The following SAMD3 variants were observed in gnomAD, a reference collection of about 807,000 sequenced individuals.
The protein encoded by SAMD3 is sterile alpha motif domain-containing protein 3.
Under a neutral mutation model 58.5 loss-of-function variants are expected in SAMD3, and 63 were observed. That is an observed-to-expected ratio of 1.08 (90% CI 0.88 to 1.33). SAMD3 has a LOEUF of 1.33. Ranked by LOEUF, SAMD3 falls within the 40% of genes most tolerant of loss-of-function variation. The pLI, the probability that SAMD3 is intolerant of heterozygous loss-of-function variation, is 0.00. For missense variants in SAMD3, 604 were observed against 608.4 expected, an observed-to-expected ratio of 0.99 and a Z score of 0.08; for synonymous variants, 220 against 210.3, an observed-to-expected ratio of 1.05 and a Z score of -0.40.
chr6:130,254,219 G>A (rs1265688135), intron 2 of SAMD3, among the ~76,000 whole-genome samples: 3 of 151,680 alleles, frequency 2.0e-5, no homozygotes, highest in Non-Finnish European at 4.4e-5. Flanking sequence ...CTGAGACAGA[G>A]TTTTGCTCTT....
chr6:130,361,347 G>C (rs920135028), intron 1 of SAMD3, among the ~76,000 whole-genome samples: 1 of 152,144 alleles, frequency 6.6e-6, no homozygotes. Context: ...CCCTCCGTTT[G>C]GGGGTCCCTG....
chr6:130,165,848 G>A (rs2114631572), intron 8 of SAMD3, among the ~76,000 whole-genome samples: 1 of 152,226 alleles, frequency 6.6e-6, no homozygotes, highest in South Asian at 2.1e-4. Flanking sequence ...TTTGACAGAG[G>A]CCAAGAGGAC....
chr6:130,184,624 C>A lies in SAMD3; in HGVS notation c.384-1G>T. ...TGCTAGAATTTGTTTCACATTTCTT[C>A]TGTGAAATAAAAACACACAAAGAAT... is the stretch of plus-strand genomic sequence containing the variant. On this transcript the variant is annotated splice_acceptor_variant, in intron 5 of 11. Transcript: ENST00000439090. LOFTEE classifies it high-confidence loss of function. 1 of 1,599,818 alleles carries A rather than the reference C, an allele frequency of 6.3e-7. No homozygotes were observed. Among genetic ancestry groups the A allele is most frequent in the Non-Finnish European group, 8.5e-7 (1 of 1,170,786 alleles).
chr6:130,221,163 A>G (rs934896658), intron 1 of SAMD3, among the ~76,000 whole-genome samples: 3 of 152,196 alleles, frequency 2.0e-5, no homozygotes, highest in African/African-American at 7.2e-5. Context: ...CAGTGAAAAG[A>G]TCTTTAAAAT....
intron 2 of SAMD3, among the ~76,000 whole-genome samples, chr6:130,282,246 G>T (rs1278285889): frequency 6.6e-6 from 1 of 152,146 alleles, no homozygotes; most frequent in African/African-American, 2.4e-5. Context: ...TCCATAACTA[G>T]GGAAATGGCC....
At chr6:130,261,659 A>T (rs1383001101) in intron 2 of SAMD3, among the ~76,000 whole-genome samples, 2 of 152,138 alleles carry the variant, frequency 1.3e-5, no homozygotes, top group Non-Finnish European at 2.9e-5. Context: ...TCACCCTACT[A>T]GGAACTATGT....
At chr6:130,190,704 T>C (rs1793462324) in intron 5 of SAMD3, among the ~76,000 whole-genome samples, 1 of 152,136 alleles carries the variant, frequency 6.6e-6, no homozygotes. Context: ...TCATTTTTTC[T>C]AATTGCAGCT....
intron 2 of SAMD3, among the ~76,000 whole-genome samples, chr6:130,304,582 C>CT (rs1329955348): frequency 6.6e-6 from 1 of 152,124 alleles, no homozygotes; most frequent in Admixed American, 6.5e-5. Flanking sequence ...AGCTTTATGA[C>CT]TTTTTACTGA....
chr6:130,229,792 C>T (rs975663760), intron 2 of SAMD3, among the ~76,000 whole-genome samples: 2 of 152,070 alleles, frequency 1.3e-5, no homozygotes, highest in Non-Finnish European at 2.9e-5. Flanking sequence ...ACAAAGGAAG[C>T]CATCAATTCA....
At chr6:130,363,184 C>T (rs1019790096) in intron 1 of SAMD3, among the ~76,000 whole-genome samples, 1 of 152,094 alleles carries the variant, frequency 6.6e-6, no homozygotes, top group African/African-American at 2.4e-5. Flanking sequence ...TATTTTTTCC[C>T]ATTGAAGACA....
chr6:130,191,787 G>A (rs553799929), intron 5 of SAMD3, among the ~76,000 whole-genome samples: 2 of 152,074 alleles, frequency 1.3e-5, no homozygotes, highest in East Asian at 3.9e-4. Flanking sequence ...AAAAGTCAAT[G>A]GTCTGTAATT....
chr6:130,293,941 T>C (rs1775470170), intron 2 of SAMD3, among the ~76,000 whole-genome samples: 1 of 152,118 alleles, frequency 6.6e-6, no homozygotes, highest in African/African-American at 2.4e-5. Context: ...ACACAGCATC[T>C]TAGCAGTGGG....
At chr6:130,307,204 G>A (rs1477686327) in intron 2 of SAMD3, among the ~76,000 whole-genome samples, 1 of 152,218 alleles carries the variant, frequency 6.6e-6, no homozygotes, top group Non-Finnish European at 1.5e-5. Flanking sequence ...GATTATACAT[G>A]GGGTGAATGC....
intron 2 of SAMD3, among the ~76,000 whole-genome samples, chr6:130,261,017 G>A (rs907298012): frequency 6.6e-6 from 1 of 151,922 alleles, no homozygotes; most frequent in Admixed American, 6.6e-5. Context: ...GACTGGTCTT[G>A]GGAACTTGCC....
rs773713678 is a variant in SAMD3 at position 130,175,874 on chromosome 6, T to C, written c.789A>G (p.Ile263Met). The change falls in exon 8 of 12, where the codon ATA becomes ATG. Residue 263 changes from isoleucine to methionine, a missense_variant. Transcript: ENST00000439090. The stretch of plus-strand genomic sequence containing the variant: ...GGACAAGTTTAATTTCATCAAATCT[T>C]ATATCAGCAAGAGATTTCCTTGTCT... ...RGQTRKSLADIRFDEIKLVQI... is the reference protein window; with the variant it reads ...RGQTRKSLADMRFDEIKLVQI... The C allele has an allele frequency of 6.2e-7, 1 of 1,612,816 alleles. No individual in the cohort carries two copies. Among genetic ancestry groups the C allele is most frequent in the Admixed American group, 1.7e-5 (1 of 59,916 alleles).
chr6:130,194,126 C>T (rs983310804), intron 5 of SAMD3, among the ~76,000 whole-genome samples: 13 of 152,192 alleles, frequency 8.5e-5, no homozygotes, highest in Non-Finnish European at 1.6e-4. Flanking sequence ...TTTCATTCTG[C>T]GACTAGCCCT....
chr6:130,184,358 G>C (rs1792722480), intron 6 of SAMD3, 80 bp downstream of exon 6: 1 of 1,383,112 alleles, frequency 7.2e-7, no homozygotes. Context: ...AATCTGAAGA[G>C]AGTTGATTCC....
intron 9 of SAMD3, among the ~76,000 whole-genome samples, chr6:130,153,656 ATATATATATT>A (rs1257804850): frequency 4.3e-5 from 4 of 92,468 alleles, no homozygotes; most frequent in Non-Finnish European, 9.2e-5. Flanking sequence ...TCATATATAT[ATATATATATT>A]TATTTATTTA....
At chr6:130,221,206 T>G (rs1358435418) in intron 1 of SAMD3, among the ~76,000 whole-genome samples, 2 of 152,224 alleles carry the variant, frequency 1.3e-5, no homozygotes, top group African/African-American at 4.8e-5. Context: ...CAATATATTT[T>G]GTTGGGATAA....
Sources: allele counts gnomAD v4.1 joint callset (sites outside exome capture counted in the v4.1 genomes callset), GRCh38; gene constraint gnomAD v4.1.1; transcripts MANE v1.5; gene names NCBI Gene and HGNC (gene_info 2026-07-23, HGNC 2026-07-21).